The following NME5 variants were observed in gnomAD, a reference collection of about 807,000 sequenced individuals.
NME5 encodes nucleoside diphosphate kinase 5.
Under a neutral mutation model 21.6 loss-of-function variants are expected in NME5, and 18 were observed. The observed-to-expected ratio is 0.83, with a 90% CI of 0.58 to 1.24. The LOEUF is 1.24. Ranked by LOEUF, NME5 falls within the 50% of genes most tolerant of loss-of-function variation. The pLI is 0.00. For missense variants in NME5, 223 were observed against 255.4 expected (o/e 0.87, Z 0.86); for synonymous variants, 70 against 80.6 (o/e 0.87, Z 0.71).
At position 138,119,478 on chromosome 5, in the gene NME5, A is replaced by T. The variant is rs1751235720; in HGVS notation, c.437-542T>A. ...CTCCCAAAGTGCTAGGATTGCGGGC[A>T]TGAGCCACCATGCTCGGCCCTAATT... On this transcript the variant is annotated intron_variant, in intron 4 of 5. Transcript: ENST00000265191. 4.6e-5 allele frequency among the ~76,000 whole-genome samples: 7 copies of T among 152,022 alleles called. No individual in the cohort carries two copies. The South Asian group carries it at 1.5e-3, about 32-fold the overall frequency.
At chr5:138,129,230 A>C in intron 3 of NME5, 33 bp downstream of exon 3, 3 of 1,438,516 alleles carry the variant, frequency 2.1e-6, no homozygotes, top group Non-Finnish European at 2.9e-6. Flanking sequence ...GATGGATTCC[A>C]TTCCCTGCCA....
intron 2 of NME5, among the ~76,000 whole-genome samples, chr5:138,132,578 G>C (rs949886396): frequency 2.6e-5 from 4 of 152,182 alleles, no homozygotes; most frequent in African/African-American, 9.7e-5. Context: ...TTTCCTGAGA[G>C]TAAGTGTGAA....
chr5:138,123,585 ACAC>A (rs1229044817), intron 4 of NME5, among the ~76,000 whole-genome samples: 2 of 152,210 alleles, frequency 1.3e-5, no homozygotes, highest in African/African-American at 4.8e-5. Flanking sequence ...TTGTGTATAT[ACAC>A]CACATTTTCT....
rs541309735 is a variant in NME5, at chr5:138,124,533, T to G, written c.436+3946A>C. 4.6e-5 allele frequency among the ~76,000 whole-genome samples: 7 copies of G among 152,332 alleles called. No individual in the cohort carries two copies. The South Asian group carries it at 1.5e-3, about 32-fold the overall frequency. ...TTTCATTAGTGAATTATTCATTTAT[T>G]TATTTATTGAGAGGGTCTCACTCTG... On this transcript the variant is annotated intron_variant, in intron 4 of 5. Transcript: ENST00000265191.
Position 138,115,556 on chromosome 5 carries a change from T to C in NME5, c.*125A>G. 7.3e-6 allele frequency: 4 copies of C among 547,652 alleles called. No homozygotes were observed. The highest frequency in any genetic ancestry group is 3.6e-5 in the Admixed American group (1 of 27,522). The allele number at this position is 547,652 out of a possible 1,614,324, so 33.9% of individuals were successfully genotyped here. A position where few individuals can be genotyped will look rare whatever the true frequency, so the allele number is the denominator to read the frequency against. ...AGAATAGTTATTCCTTTAACACTTA[T>C]TTTTAAGAAATAAATTTATTTTACT... On this transcript the variant is annotated 3_prime_UTR_variant, in exon 6 of 6. Coordinates refer to ENST00000265191, the MANE Select transcript of NME5 (RefSeq NM_003551.3).
At chr5:138,132,146 G>A (rs1455951691) in intron 2 of NME5, among the ~76,000 whole-genome samples, 4 of 152,174 alleles carry the variant, frequency 2.6e-5, no homozygotes, top group Non-Finnish European at 4.4e-5. Context: ...GACTGCTTGA[G>A]TCCAGGAGTT....
intron 2 of NME5, among the ~76,000 whole-genome samples, chr5:138,131,895 C>T (rs1170176073): frequency 1.3e-5 from 2 of 152,062 alleles, no homozygotes; most frequent in East Asian, 3.9e-4. Context: ...AGGTGCCTGC[C>T]ACCATGCCTG....
intron 2 of NME5, among the ~76,000 whole-genome samples, chr5:138,133,656 T>C (rs1319058573): frequency 6.6e-6 from 1 of 152,212 alleles, no homozygotes; most frequent in Non-Finnish European, 1.5e-5. Flanking sequence ...ACATATCATT[T>C]TTCAGCTTTT....
chr5:138,118,316 G>A (rs1313108723), intron 5 of NME5, among the ~76,000 whole-genome samples: 1 of 151,334 alleles, frequency 6.6e-6, no homozygotes, highest in Non-Finnish European at 1.5e-5. Flanking sequence ...TAGTAGAGAT[G>A]GGGTTTCACC....
Position 138,115,330 on chromosome 5 carries a change from C to G in NME5, c.*351G>C, listed in dbSNP as rs1581372693. 1 of 161,964 alleles carries G rather than the reference C, an allele frequency of 6.2e-6. No individual in the cohort carries two copies. Among genetic ancestry groups the G allele is most frequent in the East Asian group, 1.8e-4 (1 of 5,590 alleles). 10.0% of individuals were successfully genotyped at this position (161,964 alleles called of 1,614,324 possible). On this transcript the variant is annotated 3_prime_UTR_variant, in exon 6 of 6. Coordinates refer to ENST00000265191, the MANE Select transcript of NME5 (RefSeq NM_003551.3). ...CTAAGCCTTTTAAACTAGACTGTCT[C>G]AACTGTGCATTAATTATGTATTTAG...
chr5:138,137,308 T>G (rs1436932747), intron 2 of NME5, among the ~76,000 whole-genome samples: 1 of 141,584 alleles, frequency 7.1e-6, no homozygotes, highest in African/African-American at 2.6e-5. Flanking sequence ...AAGATTGATA[T>G]TTTCTCTTTA....
At chr5:138,135,084 C>G (rs1488742327) in intron 2 of NME5, among the ~76,000 whole-genome samples, 1 of 148,266 alleles carries the variant, frequency 6.7e-6, no homozygotes, top group Non-Finnish European at 1.5e-5. Context: ...TTTGGGAGGC[C>G]GAGGCAGGTG....
At position 138,129,246 on chromosome 5, in the gene NME5, C is replaced by A. The variant is rs573603011; in HGVS notation, c.335+17G>T. 11 of 1,582,906 alleles carry A rather than the reference C, an allele frequency of 6.9e-6. No homozygotes were observed. In the African/African-American group the frequency reaches 1.5e-4, roughly 21 times the overall value. On this transcript the variant is annotated intron_variant, in intron 3 of 5. Coordinates refer to ENST00000265191, the MANE Select transcript of NME5 (RefSeq NM_003551.3). ...ATGGATTCCATTCCCTGCCATCCCC[C>A]AAACCCTGAAAATTACCTGTCTGGA...
At position 138,138,699 on chromosome 5, in the gene NME5, C is replaced by T. The variant is rs750652219; in HGVS notation, c.82G>A (p.Glu28Lys). ...CTAAGAATAATATCTTGTATCTCCT[C>T]CTCTTTGTCAACAATATCTGGTTTG... ...IIKPDIVDKE[E>K]EIQDIILRSG... Residue 28 changes from glutamate to lysine, a missense_variant, in exon 2 of 6, where the codon GAG (glutamate) becomes AAG (lysine). By Grantham distance (56) the Glu-to-Lys change is moderately conservative. Transcript: ENST00000265191. 6.2e-7 allele frequency: 1 copy of T among 1,613,030 alleles called. No individual in the cohort carries two copies. Among genetic ancestry groups the T allele is most frequent in the Non-Finnish European group, 8.5e-7 (1 of 1,179,512 alleles).
rs57938582 is a variant in NME5, at chr5:138,126,510, CAAAAA to C, written c.436+1964_436+1968del. ...TGGGCAACAGAGTGAGAATCTATCT[CAAAAA>C]AAAAAAAAAAAAAAAAAAAAAGAAA... On this transcript the variant is annotated intron_variant, in intron 4 of 5. Coordinates refer to ENST00000265191, the MANE Select transcript of NME5 (RefSeq NM_003551.3). 7.9e-4 allele frequency among the ~76,000 whole-genome samples: 43 copies of C among 54,222 alleles called. No homozygotes were observed. The South Asian group carries it at 0.019, about 24-fold the overall frequency. The allele number at this position is 54,222 out of a possible 152,430, so 35.6% of individuals were successfully genotyped here.
intron 2 of NME5, among the ~76,000 whole-genome samples, chr5:138,133,884 A>G (rs1459255492): frequency 6.6e-6 from 1 of 152,150 alleles, no homozygotes; most frequent in African/African-American, 2.4e-5. Flanking sequence ...TAAGATGAAA[A>G]GGTTCTAGAA....
In NME5 at chr5:138,128,536, G is replaced by T; in HGVS notation, c.379C>A (p.His127Asn). 1 of 1,613,040 alleles carries T rather than the reference G, an allele frequency of 6.2e-7. No homozygotes were observed. ...YGTDDLRNAL[H>N]GSNDFAAAER... ...GCAGCAGCAAAGTCATTACTCCCAT[G>T]AAGTGCATTCCTTAGGTCATCTGTG... The change falls in exon 4 of 6, where the codon CAT becomes AAT. Residue 127 changes from histidine (H) to asparagine (N), a missense_variant. His to Asn is a moderately conservative substitution (Grantham distance 68). Coordinates refer to ENST00000265191, the MANE Select transcript of NME5 (RefSeq NM_003551.3).
chr5:138,133,258 G>C (rs888471575), intron 2 of NME5, among the ~76,000 whole-genome samples: 2 of 151,656 alleles, frequency 1.3e-5, no homozygotes, highest in Non-Finnish European at 2.9e-5. Context: ...CTGCTACCAC[G>C]CCCGGCTAAT....
At chr5:138,137,171 T>C (rs938647544) in intron 2 of NME5, among the ~76,000 whole-genome samples, 1 of 152,192 alleles carries the variant, frequency 6.6e-6, no homozygotes, top group African/African-American at 2.4e-5. Flanking sequence ...TTTCCTAACA[T>C]TTACTAAAAA....
Sources: allele counts gnomAD v4.1 joint callset (sites outside exome capture counted in the v4.1 genomes callset), GRCh38; gene constraint gnomAD v4.1.1; transcripts MANE v1.5; gene names NCBI Gene and HGNC (gene_info 2026-07-23, HGNC 2026-07-21).